The following MUC5B variants were observed in gnomAD, a reference collection of about 807,000 sequenced individuals.
MUC5B encodes the protein mucin 5B, oligomeric mucus/gel-forming.
A neutral mutation model predicts 376.9 loss-of-function variants in MUC5B; 116 were observed. That is an observed-to-expected ratio of 0.31 (90% CI 0.26 to 0.36). The LOEUF (loss-of-function observed/expected upper bound fraction) is 0.36. Among genes scored for constraint, MUC5B ranks in the 10% least tolerant of loss-of-function variants. The pLI is 1.00. For synonymous variants in MUC5B, 3,517 were observed against 3,390.9 expected (o/e 1.04, Z -1.29); for missense variants, 7,165 against 7,769.9 (o/e 0.92, Z 2.93).
Position 1,257,311 on chromosome 11 carries a change from C to T in MUC5B, c.16269+40C>T, listed in dbSNP as rs369496938. 1.9e-5 allele frequency: 15 copies of T among 789,182 alleles called. No individual in the cohort carries two copies. Among genetic ancestry groups the T allele is most frequent in the Middle Eastern group, 4.5e-4 (2 of 4,478 alleles). 48.9% of individuals were successfully genotyped at this position (789,182 alleles called of 1,614,324 possible). ...CCCCACCTGCCCTACCCCACCCTCT[C>T]GCGAGCTGAGGGAGGGAGGGAAGGA... is the stretch of plus-strand genomic sequence containing the variant. On this transcript the variant is annotated intron_variant, in intron 40 of 48. Transcript: ENST00000529681. This position sits in a 1 kb window ranked among gnomAD's most constrained non-coding sequence, Gnocchi z 8.9.
Position 1,239,577 on chromosome 11 carries a change from G to A in MUC5B, c.3583+11G>A. ...TGCCTGGCCTGGAAGGTGAGGGGCA[G>A]CCTTTCTTGGATGGAGCCTCCTCTC... On this transcript the variant is annotated intron_variant, in intron 27 of 48. Transcript: ENST00000529681. The A allele has an allele frequency of 6.4e-7, 1 of 1,550,686 alleles. No individual in the cohort carries two copies. The highest frequency in any genetic ancestry group is 1.2e-5 in the South Asian group (1 of 82,386).
At chr11:1,223,309 CCT>C (rs763808168) in intron 1 of MUC5B, 116 bp downstream of exon 1, 111 of 693,436 alleles carry the variant, frequency 1.6e-4, no homozygotes, top group Middle Eastern at 4.6e-4. Context: ...CCTACGACTC[CCT>C]GAGTGTCCTG....
In MUC5B at chr11:1,227,763, C is replaced by T. The variant is rs781163769; in HGVS notation, c.756C>T (p.Ala252=). The T allele has an allele frequency of 1.8e-5, 13 of 717,758 alleles. No individual in the cohort carries two copies. Among genetic ancestry groups the T allele is most frequent in the African/African-American group, 5.2e-5 (3 of 57,382 alleles). 44.5% of individuals were successfully genotyped at this position (717,758 alleles called of 1,614,324 possible). A position where few individuals can be genotyped will look rare whatever the true frequency, so the allele number is the denominator to read the frequency against. ...GCCCGGACCCGCTGCCCTTGCCGGC[C>T]GGCAACTGCACGGACGAGGTGAGTC... ...EQCPDPLPLP[A]GNCTDEEGIC... Residue 252 remains alanine, a synonymous_variant, in exon 7 of 49, where the codon GCC becomes GCT. Coordinates refer to ENST00000529681, the MANE Select transcript of MUC5B (RefSeq NM_002458.3).
In MUC5B at chr11:1,241,896, A is replaced by G. The variant is rs537652798; in HGVS notation, c.5016A>G (p.Gly1672=). The change falls in exon 31 of 49, where the codon GGA becomes GGG. Residue 1672 remains glycine, a synonymous_variant. Coordinates refer to ENST00000529681, the MANE Select transcript of MUC5B (RefSeq NM_002458.3). ...GCACCCTTGGTACAGCCACCACGGGAGGCCCCACGACGCCTGCAGGCTCCA... is the reference window on the plus strand; with the variant it reads ...GCACCCTTGGTACAGCCACCACGGGGGGCCCCACGACGCCTGCAGGCTCCA... ...YTSTLGTATT[G]GPTTPAGSTE... 79 of 1,611,670 alleles carry G rather than the reference A, an allele frequency of 4.9e-5. No individual in the cohort carries two copies. The highest frequency in any genetic ancestry group is 6.6e-5 in the Non-Finnish European group (78 of 1,179,140).
At position 1,240,139 on chromosome 11, in the gene MUC5B, C is replaced by A. The variant is rs767836439; in HGVS notation, c.3773-39C>A. 6.4e-6 allele frequency: 10 copies of A among 1,570,792 alleles called. No homozygotes were observed. The Admixed American group carries it at 1.8e-4, about 28-fold the overall frequency. On this transcript the variant is annotated intron_variant, in intron 29 of 48. Transcript: ENST00000529681. ...GGCCGGTGAAGGCTGGGGCCAGGGG[C>A]TCGGAGGCCCTGGGTGACTCTGCCG...
chr11:1,230,622 T>A (rs1862005898), intron 12 of MUC5B, 22 bp downstream of exon 12: 1 of 1,587,624 alleles, frequency 6.3e-7, no homozygotes, highest in Non-Finnish European at 8.6e-7. Context: ...GCTGGGGCCC[T>A]GGGCTGGGAC....
At chr11:1,239,390 G>T (rs763368091) in intron 26 of MUC5B, 48 bp from the exon 27 acceptor site, 5 of 1,571,750 alleles carry the variant, frequency 3.2e-6, no homozygotes, top group South Asian at 1.2e-5. Flanking sequence ...GCACAACAGG[G>T]GTGAGGGCTG....
rs776826337 is a variant in MUC5B, at chr11:1,254,259, G to A, written c.15385G>A (p.Ala5129Thr). The A allele has an allele frequency of 1.9e-6, 3 of 1,612,092 alleles. No homozygotes were observed. In the African/African-American group the frequency reaches 4.0e-5, roughly 22 times the overall value. The change falls in exon 34 of 49, where the codon GCC becomes ACC. Residue 5129 changes from alanine (A) to threonine (T), a missense_variant. By Grantham distance (58) the Ala-to-Thr change is moderately conservative (BLOSUM62 0). Transcript: ENST00000529681. ...HYCTASATAAAARCPRALSIH... is the reference protein window; with the variant it reads ...HYCTASATAATARCPRALSIH... ...CTGCACGGCCTCTGCCACTGCCGCT[G>A]CCGCCCGCTGCCCCCGCGCCCTCAG...
chr11:1,237,600 T>G (rs1438830848), intron 25 of MUC5B, among the ~76,000 whole-genome samples: 1 of 152,202 alleles, frequency 6.6e-6, no homozygotes, highest in African/African-American at 2.4e-5. Flanking sequence ...CTGGGCGCGG[T>G]GGCTCATGTC....
Position 1,260,641 on chromosome 11 carries a change from G to A in MUC5B, c.16982G>A (p.Arg5661His), listed in dbSNP as rs759499108. 1.4e-5 allele frequency: 22 copies of A among 1,612,098 alleles called. No individual in the cohort carries two copies. Among genetic ancestry groups the A allele is most frequent in the Middle Eastern group, 3.3e-4 (2 of 6,078 alleles). ...YSCEEDSCQV[R>H]INTTILWHQG... Reference sequence around the variant, plus strand: ...CTCCTCCCAGACTCCTGTCAAGTCCGCATCAACACGACCATCCTGTGGCAC... The same window carrying A: ...CTCCTCCCAGACTCCTGTCAAGTCCACATCAACACGACCATCCTGTGGCAC... The change falls in exon 48 of 49, where the codon CGC (arginine) becomes CAC (histidine). Residue 5661 changes from arginine (R) to histidine (H), a missense_variant. By Grantham distance (29) the Arg-to-His change is conservative. Coordinates refer to ENST00000529681, the MANE Select transcript of MUC5B (RefSeq NM_002458.3).
At chr11:1,259,683 C>T (rs902381207) in intron 44 of MUC5B, 73 bp from the exon 45 acceptor site, 7 of 1,510,568 alleles carry the variant, frequency 4.6e-6, no homozygotes, top group African/African-American at 2.7e-5. Context: ...GGGGTGTAGA[C>T]AGGAGGGCAG....
chr11:1,240,101 C>T lies in MUC5B; in HGVS notation c.3772+13C>T, dbSNP rs867438186. The T allele has an allele frequency of 1.9e-5, 30 of 1,562,052 alleles. No individual in the cohort carries two copies. In the Middle Eastern group the frequency reaches 2.1e-3, roughly 108 times the overall value. On this transcript the variant is annotated intron_variant, in intron 29 of 48. Coordinates refer to ENST00000529681, the MANE Select transcript of MUC5B (RefSeq NM_002458.3). The stretch of plus-strand genomic sequence containing the variant: ...CACAGCCTTGAGGGTAAGGAAGGGC[C>T]GGGGGGTTAGTGGGCCGGTGAAGGC...
In MUC5B at chr11:1,241,471, G is replaced by A. The variant is rs765636289; in HGVS notation, c.4591G>A (p.Asp1531Asn). 49 of 1,613,566 alleles carry A rather than the reference G, an allele frequency of 3.0e-5. No homozygotes were observed. In the Admixed American group the frequency reaches 4.8e-4, roughly 16 times the overall value. ...EQLGGDVESY[D>N]KIRAAGGHLC... ...ACTTGGAGGGGACGTTGAGTCCTAC[G>A]ATAAGATCAGGGCCGCTGGAGGGCA... Residue 1531 changes from aspartate to asparagine, a missense_variant, in exon 31 of 49, where the codon GAT becomes AAT. Asp to Asn is a conservative substitution (Grantham distance 23). Transcript: ENST00000529681.
intron 1 of MUC5B, among the ~76,000 whole-genome samples, chr11:1,224,134 G>C (rs887280780): frequency 6.6e-6 from 1 of 152,208 alleles, no homozygotes; most frequent in African/African-American, 2.4e-5. Flanking sequence ...TGATTCTTCC[G>C]GGCCATGCAG....
intron 1 of MUC5B, chr11:1,223,400 T>C (rs1039031916): frequency 2.4e-5 from 16 of 671,658 alleles, no homozygotes; most frequent in Non-Finnish European, 4.1e-5. Context: ...GGGGCTGGCT[T>C]GGATGGGGTG....
chr11:1,260,501 A>G (rs1210053847), intron 47 of MUC5B, 108 bp downstream of exon 47: 1 of 1,492,268 alleles, frequency 6.7e-7, no homozygotes, highest in Non-Finnish European at 9.3e-7. Context: ...GCCCGCGTCC[A>G]GACTCCACCC....
chr11:1,251,124 C>G lies in MUC5B; in HGVS notation c.14244C>G (p.Thr4748=). Residue 4748 remains threonine (T), a synonymous_variant, in exon 31 of 49, where the codon ACC becomes ACG. Transcript: ENST00000529681. ...LTSTATKSTA[T]SFTPIPSSTL... ...GCACAGCCACAAAATCCACAGCTACCAGCTTTACACCCATCCCCTCCTCCA... is the reference window on the plus strand; with the variant it reads ...GCACAGCCACAAAATCCACAGCTACGAGCTTTACACCCATCCCCTCCTCCA... The G allele has an allele frequency of 6.2e-7, 1 of 1,611,280 alleles. No individual in the cohort carries two copies. Among genetic ancestry groups the G allele is most frequent in the Admixed American group, 1.7e-5 (1 of 59,978 alleles).
chr11:1,236,429 C>A lies in MUC5B; in HGVS notation c.2924C>A (p.Ala975Glu), dbSNP rs757427396. ...CAAGAGGGGACCTTTAAGGCGGTGG[C>A]GAGAGGGCCGGGTGGGGACCCACCC... ...ILQEGTFKAV[A>E]RGPGGDPPYK... is the part of the protein sequence containing the mutation. The change falls in exon 24 of 49, where the codon GCG becomes GAG. Residue 975 changes from alanine (A) to glutamate (E), a missense_variant. By Grantham distance (107) the Ala-to-Glu change is moderately radical. This residue lies in a region of MUC5B where 530 missense variants were observed against 604.0 expected (regional missense o/e 0.88). Coordinates refer to ENST00000529681, the MANE Select transcript of MUC5B (RefSeq NM_002458.3). 16 of 1,612,410 alleles carry A rather than the reference C, an allele frequency of 9.9e-6. No individual in the cohort carries two copies. The highest frequency in any genetic ancestry group is 1.3e-5 in the African/African-American group (1 of 75,030).
At chr11:1,228,330 C>T (rs946915706) in intron 7 of MUC5B, among the ~76,000 whole-genome samples, 6 of 152,170 alleles carry the variant, frequency 3.9e-5, no homozygotes, top group African/African-American at 9.7e-5. Context: ...CTTTCTTGGG[C>T]GCTTACTCCA....
Sources: allele counts gnomAD v4.1 joint callset (sites outside exome capture counted in the v4.1 genomes callset), GRCh38; gene constraint gnomAD v4.1.1; regional missense constraint gnomAD v4.1.1; non-coding constraint Gnocchi (gnomAD v3.1); transcripts MANE v1.5; gene names NCBI Gene and HGNC (gene_info 2026-07-23, HGNC 2026-07-21).